CACNA2D4: variants seen among roughly 807,000 people sequenced by gnomAD.
CACNA2D4 encodes calcium voltage-gated channel auxiliary subunit alpha2delta 4, also known as voltage-dependent calcium channel subunit alpha-2/delta-4.
In CACNA2D4, 157 loss-of-function variants were observed where a neutral mutation model predicts 163.8. That is an observed-to-expected ratio of 0.96 (90% confidence interval 0.84 to 1.09). The LOEUF is 1.09. Among genes scored for constraint, CACNA2D4 ranks in the 50% least tolerant of loss-of-function variants. CACNA2D4 has a pLI of 0.00. For missense variants in CACNA2D4, 1,410 were observed against 1,479.9 expected (o/e 0.95, Z 0.78); for synonymous variants, 598 against 586.9 (o/e 1.02, Z -0.27).
At chr12:1,909,824 C>A in intron 4 of CACNA2D4, 82 bp downstream of exon 4, 2 of 1,213,980 alleles carry the variant, frequency 1.6e-6, no homozygotes, top group Non-Finnish European at 1.2e-6. Context: ...CCACCCTACG[C>A]CGCCACCCTA....
At chr12:1,818,487 A>T (rs4258435) in intron 26 of CACNA2D4, among the ~76,000 whole-genome samples, 4,457 of 151,796 alleles carry the variant, frequency 0.029, 297 homozygotes, top group African/African-American at 0.099. Flanking sequence ...CCCTGTGCTC[A>T]CTGAAACATG....
chr12:1,831,111 G>A lies in CACNA2D4; in HGVS notation c.2551+9628C>T, dbSNP rs1864606099. ...CTTGCTCTTGAACAATAAGCTGAGT[G>A]CCCTGCCAAGCTGGGCTTTCGCCAA... On this transcript the variant is annotated intron_variant, in intron 26 of 37. Coordinates refer to ENST00000382722, the MANE Select transcript of CACNA2D4 (RefSeq NM_172364.5). 1.9e-6 allele frequency: 3 copies of A among 1,613,788 alleles called. No individual in the cohort carries two copies. Among genetic ancestry groups the A allele is most frequent in the Non-Finnish European group, 1.7e-6 (2 of 1,180,052 alleles).
At chr12:1,873,576 T>TC (rs1865826992) in intron 18 of CACNA2D4, among the ~76,000 whole-genome samples, 1 of 152,208 alleles carries the variant, frequency 6.6e-6, no homozygotes, top group Non-Finnish European at 1.5e-5. Flanking sequence ...CAGACTAAAT[T>TC]CTTCATTGTC....
intron 6 of CACNA2D4, 49 bp downstream of exon 6, chr12:1,907,391 C>G: frequency 8.1e-7 from 1 of 1,239,594 alleles, no homozygotes; most frequent in East Asian, 2.8e-5. Flanking sequence ...CCTATTATTT[C>G]CAGAGAAGAA....
At chr12:1,839,157 T>C (rs1864956346) in intron 26 of CACNA2D4, among the ~76,000 whole-genome samples, 1 of 152,218 alleles carries the variant, frequency 6.6e-6, no homozygotes, top group Non-Finnish European at 1.5e-5. Context: ...CCCTTTGCCC[T>C]GACCCTGTCT....
Position 1,886,357 on chromosome 12 carries a change from T to C in CACNA2D4, c.859A>G (p.Thr287Ala), listed in dbSNP as rs780319292. 6 of 1,613,696 alleles carry C rather than the reference T, an allele frequency of 3.7e-6. No homozygotes were observed. In the African/African-American group the frequency reaches 5.3e-5, roughly 14 times the overall value. ...AAAATCACTATGTCCTTGGGAGAAG[T>C]AGCAGCTTGAATGTACCTGAAGGAA... is the stretch of plus-strand genomic sequence containing the variant. ...RNRGWYIQAATSPKDIVILVD... is the reference protein window; with the variant it reads ...RNRGWYIQAAASPKDIVILVD... The change falls in exon 8 of 38, where the codon ACT (threonine) becomes GCT (alanine). Residue 287 changes from threonine to alanine, a missense_variant. Thr to Ala is a moderately conservative substitution (Grantham distance 58). Coordinates refer to ENST00000382722, the MANE Select transcript of CACNA2D4 (RefSeq NM_172364.5).
chr12:1,808,822 A>C (rs888315360), intron 29 of CACNA2D4, among the ~76,000 whole-genome samples: 2 of 152,160 alleles, frequency 1.3e-5, no homozygotes, highest in Non-Finnish European at 2.9e-5. Context: ...AACTCTTATC[A>C]TCACTGGTTT....
At chr12:1,812,226 G>C (rs776087019) in intron 26 of CACNA2D4, among the ~76,000 whole-genome samples, 23 of 152,136 alleles carry the variant, frequency 1.5e-4, no homozygotes, top group Non-Finnish European at 2.5e-4. Context: ...TGTCTGCTCA[G>C]GATCTTCCCT....
At position 1,797,550 on chromosome 12, in the gene CACNA2D4, A is replaced by C; in HGVS notation, c.2996-15T>G. 1 of 1,544,868 alleles carries C rather than the reference A, an allele frequency of 6.5e-7. No individual in the cohort carries two copies. Among genetic ancestry groups the C allele is most frequent in the South Asian group, 1.2e-5 (1 of 84,332 alleles). ...GTGTTTGTGGGCTGCGGGCGGAGAA[A>C]GGACATCACGCCACCGAAGGGGCCT... is the stretch of plus-strand genomic sequence containing the variant. On this transcript the variant is annotated splice_polypyrimidine_tract_variant and intron_variant, in intron 34 of 37. Coordinates refer to ENST00000382722, the MANE Select transcript of CACNA2D4 (RefSeq NM_172364.5).
At chr12:1,803,916 G>A (rs909365354) in intron 29 of CACNA2D4, among the ~76,000 whole-genome samples, 5 of 152,172 alleles carry the variant, frequency 3.3e-5, no homozygotes, top group Non-Finnish European at 7.3e-5. Context: ...CTAAAGCCCT[G>A]GCAGGCTGCA....
At chr12:1,884,398 T>G (rs113794251) in intron 11 of CACNA2D4, 77 bp from the exon 12 acceptor site, 4 of 1,202,220 alleles carry the variant, frequency 3.3e-6, no homozygotes, top group African/African-American at 3.0e-5. Context: ...TATATGAGTC[T>G]TAGATGTTGG....
chr12:1,880,418 G>C (rs11829061), intron 13 of CACNA2D4, among the ~76,000 whole-genome samples: 33,170 of 152,252 alleles, frequency 0.22, 6,017 homozygotes, highest in African/African-American at 0.5. Flanking sequence ...CCGTTCCTAG[G>C]ACACAGGTCA....
chr12:1,830,285 C>T (rs1864562816), intron 26 of CACNA2D4, among the ~76,000 whole-genome samples: 1 of 152,214 alleles, frequency 6.6e-6, no homozygotes, highest in Non-Finnish European at 1.5e-5. Flanking sequence ...GGCTCTAAAT[C>T]CTCATGCCAA....
At chr12:1,899,947 G>T (rs1348040757) in intron 6 of CACNA2D4, among the ~76,000 whole-genome samples, 1 of 152,044 alleles carries the variant, frequency 6.6e-6, no homozygotes, top group Non-Finnish European at 1.5e-5. Context: ...TTTCTCATAG[G>T]AATGCAAGGA....
At chr12:1,879,365 C>A (rs1190397487) in intron 14 of CACNA2D4, among the ~76,000 whole-genome samples, 1 of 152,166 alleles carries the variant, frequency 6.6e-6, no homozygotes, top group African/African-American at 2.4e-5. Context: ...CACGGGGGCT[C>A]TGAAGCATAC....
chr12:1,881,542 C>T (rs1004695473), intron 13 of CACNA2D4, among the ~76,000 whole-genome samples: 4 of 152,238 alleles, frequency 2.6e-5, no homozygotes, highest in African/African-American at 9.6e-5. Context: ...TCCTGCTGGG[C>T]TGGCTACTGG....
rs1379132515 is a variant in CACNA2D4, at chr12:1,799,530, C to A, written c.2995+145G>T. On this transcript the variant is annotated intron_variant, in intron 34 of 37. Transcript: ENST00000382722. The surrounding 1 kb of genome is among the most constrained non-coding windows in gnomAD (Gnocchi z 4.7). The stretch of plus-strand genomic sequence containing the variant: ...TGGGCTAGACTCCCCAGTCCCCCAA[C>A]CCCCAGGAATGGTACTTTAAACCAG... The A allele has an allele frequency of 1.2e-6, 1 of 854,078 alleles. No individual in the cohort carries two copies. Among genetic ancestry groups the A allele is most frequent in the Non-Finnish European group, 1.9e-6 (1 of 537,664 alleles). The allele number at this position is 854,078 out of a possible 1,614,324, so 52.9% of individuals were successfully genotyped here.
At chr12:1,821,874 C>T (rs1258241262) in intron 26 of CACNA2D4, among the ~76,000 whole-genome samples, 5 of 152,102 alleles carry the variant, frequency 3.3e-5, no homozygotes, top group Non-Finnish European at 5.9e-5. Context: ...GGTGTTGGCA[C>T]CCGGCTGTCA....
chr12:1,817,146 C>T (rs1032020786), intron 26 of CACNA2D4, among the ~76,000 whole-genome samples: 1 of 152,184 alleles, frequency 6.6e-6, no homozygotes, highest in African/African-American at 2.4e-5. Context: ...AGCTGAGGAC[C>T]CGACAGGTGC....
Sources: gnomAD v4.1 joint callset for allele counts (sites outside exome capture counted in the v4.1 genomes callset) on GRCh38, gnomAD v4.1.1 for gene constraint, Gnocchi (gnomAD v3.1) non-coding constraint, MANE v1.5 for transcripts, NCBI Gene and HGNC (gene_info 2026-07-23, HGNC 2026-07-21) for gene names.